The following FBXO34 variants were observed in gnomAD, a reference collection of about 807,000 sequenced individuals.
FBXO34 encodes F-box only protein 34.
FBXO34 carries 12 observed loss-of-function variants against 24.5 expected under a neutral mutation model. That is an observed-to-expected ratio of 0.49 (90% confidence interval 0.31 to 0.79). The LOEUF is 0.79. FBXO34 is among the 30% of genes least tolerant of loss of function. The pLI is 0.04. For synonymous variants in FBXO34, 320 were observed against 311.9 expected, an observed-to-expected ratio of 1.03 and a Z score of -0.27; for missense variants, 823 against 857.7, an observed-to-expected ratio of 0.96 and a Z score of 0.51.
At chr14:55,325,220 G>A (rs1883300320) in intron 1 of FBXO34, among the ~76,000 whole-genome samples, 1 of 152,146 alleles carries the variant, frequency 6.6e-6, no homozygotes, top group South Asian at 2.1e-4. Flanking sequence ...GCAGCATTGG[G>A]CTTGCACAGT....
the FBXO34 span, among the ~76,000 whole-genome samples, chr14:55,440,836 C>T: frequency 2.6e-5 from 4 of 151,790 alleles, no homozygotes; most frequent in Non-Finnish European, 1.5e-5. Flanking sequence ...GGTGCAAGTG[C>T]ATGGAAAGTG....
the FBXO34 span, chr14:55,380,626 G>T: frequency 6.2e-7 from 1 of 1,613,154 alleles, no homozygotes; most frequent in South Asian, 1.1e-5. Flanking sequence ...ACAGAATGTT[G>T]ACCAGCTGAG....
At chr14:55,302,994 A>C (rs1422539925) in intron 1 of FBXO34, among the ~76,000 whole-genome samples, 4 of 152,210 alleles carry the variant, frequency 2.6e-5, no homozygotes, top group Non-Finnish European at 5.9e-5. Context: ...AATACTACTG[A>C]GGTGAGCAAG....
chr14:55,361,005 A>G (rs76119047), intron 3 of FBXO34, among the ~76,000 whole-genome samples: 3 of 149,024 alleles, frequency 2.0e-5, no homozygotes, highest in Non-Finnish European at 3.0e-5. Flanking sequence ...CTCAAAAAGA[A>G]AAAAAAAAAA....
intron 1 of FBXO34, among the ~76,000 whole-genome samples, chr14:55,278,131 G>T (rs993310472): frequency 1.3e-5 from 2 of 152,024 alleles, no homozygotes; most frequent in African/African-American, 4.8e-5. Flanking sequence ...TCTTATGCAG[G>T]TATGTCTGCT....
At chr14:55,323,387 AT>A (rs1451014871) in intron 1 of FBXO34, among the ~76,000 whole-genome samples, 1 of 135,254 alleles carries the variant, frequency 7.4e-6, no homozygotes, top group Non-Finnish European at 1.6e-5. Context: ...AAATTTATTT[AT>A]TTTTTATTTT....
At chr14:55,427,002 C>A in the FBXO34 span, among the ~76,000 whole-genome samples, 3 of 152,198 alleles carry the variant, frequency 2.0e-5, no homozygotes, top group Admixed American at 6.5e-5. Flanking sequence ...AATGTAGACA[C>A]AACCTTAGAG....
chr14:55,397,943 CTTTTTTTTTTTTT>C, the FBXO34 span, among the ~76,000 whole-genome samples: 5 of 105,558 alleles, frequency 4.7e-5, no homozygotes, highest in Admixed American at 1.0e-4. Flanking sequence ...TGCAGTAATT[CTTTTTTTTTTTTT>C]TTTTTTTTTG....
the FBXO34 span, among the ~76,000 whole-genome samples, chr14:55,418,440 C>T: frequency 6.6e-6 from 1 of 152,192 alleles, no homozygotes; most frequent in Non-Finnish European, 1.5e-5. Flanking sequence ...ATGCCACAGT[C>T]GTGTGTGTAT....
At chr14:55,305,858 G>T (rs1882526950) in intron 1 of FBXO34, among the ~76,000 whole-genome samples, 1 of 152,174 alleles carries the variant, frequency 6.6e-6, no homozygotes, top group African/African-American at 2.4e-5. Context: ...AGGGTACACT[G>T]ATTTGGCTGT....
chr14:55,389,575 C>T, the FBXO34 span, among the ~76,000 whole-genome samples: 4 of 152,166 alleles, frequency 2.6e-5, no homozygotes, highest in Admixed American at 6.5e-5. Flanking sequence ...AAGGGATTCA[C>T]GAGGTCTGAT....
rs1022686241 is a variant in FBXO34, at chr14:55,353,186, G to A, written c.*660G>A. 5 of 166,960 alleles carry A rather than the reference G, an allele frequency of 3.0e-5. No individual in the cohort carries two copies. The highest frequency in any genetic ancestry group is 7.2e-5 in the African/African-American group (3 of 41,396). The allele number at this position is 166,960 out of a possible 1,614,324, so 10.3% of individuals were successfully genotyped here. A position where few individuals can be genotyped will look rare whatever the true frequency, so the allele number is the denominator to read the frequency against. ...GCTTTGGCCCCTCTGTGAATAGCAC[G>A]ATTAAAATCCAGTTGTATATAATGG... On this transcript the variant is annotated 3_prime_UTR_variant, in exon 2 of 2. Transcript: ENST00000313833.
At chr14:55,310,690 T>A (rs1218214383) in intron 1 of FBXO34, among the ~76,000 whole-genome samples, 2 of 152,222 alleles carry the variant, frequency 1.3e-5, no homozygotes, top group Non-Finnish European at 2.9e-5. Flanking sequence ...AATGATTCTA[T>A]ACCAAATCCA....
At chr14:55,297,928 C>A (rs1233572264) in intron 1 of FBXO34, among the ~76,000 whole-genome samples, 1 of 152,240 alleles carries the variant, frequency 6.6e-6, no homozygotes, top group Non-Finnish European at 1.5e-5. Context: ...CAAACACTGA[C>A]CGTCCACTTC....
chr14:55,414,037 C>G, the FBXO34 span: 1 of 544,030 alleles, frequency 1.8e-6, no homozygotes, highest in African/African-American at 1.9e-5. Context: ...GGTGCCTCAC[C>G]TCTTTCCCTT....
chr14:55,366,440 T>C (rs968116672), downstream of FBXO34: 1 of 152,616 alleles, frequency 6.6e-6, no homozygotes, highest in Non-Finnish European at 1.5e-5. Flanking sequence ...TAGAAAACAT[T>C]TGTATGACTC....
rs57284715 is a variant in FBXO34 at position 55,349,607 on chromosome 14, C to CTTTTT, written c.-10-760_-10-756dup. On this transcript the variant is annotated intron_variant, in intron 1 of 1. Transcript: ENST00000313833. ...GAATAGTTTAGGAAGCAATAATTTTCTTTTTTTTTTTTTTTTTTGAGACAA... is the reference window on the plus strand; with the variant it reads ...GAATAGTTTAGGAAGCAATAATTTTCTTTTTTTTTTTTTTTTTTTTTTTGAGACAA... Among the ~76,000 whole-genome samples the CTTTTT allele has an allele frequency of 9.2e-3, 1,072 of 116,560 alleles. 41 individuals are homozygous for CTTTTT. Among genetic ancestry groups the CTTTTT allele is most frequent in the African/African-American group, 0.032 (999 of 30,992 alleles). 76.5% of individuals were successfully genotyped at this position (116,560 alleles called of 152,430 possible). A position where few individuals can be genotyped will look rare whatever the true frequency, so the allele number is the denominator to read the frequency against.
the FBXO34 span, chr14:55,413,689 AT>A: frequency 3.0e-6 from 1 of 329,562 alleles, no homozygotes. Context: ...TCTTTTTCTG[AT>A]TATTTACCTT....
rs542342803 is a variant in FBXO34, at chr14:55,335,548, G to A, written c.-10-14833G>A. 7 of 152,318 alleles carry A rather than the reference G, an allele frequency of 4.6e-5. No individual in the cohort carries two copies. The East Asian group carries it at 1.3e-3, about 29-fold the overall frequency. 9.4% of individuals were successfully genotyped at this position (152,318 alleles called of 1,614,324 possible). A position where few individuals can be genotyped will look rare whatever the true frequency, so the allele number is the denominator to read the frequency against. ...AAGTATAGTGTATGTAGGAACCTCT[G>A]TACAACCAATTTGGTGACTTTTAGG... On this transcript the variant is annotated intron_variant, in intron 1 of 1. Coordinates refer to ENST00000313833, the MANE Select transcript of FBXO34 (RefSeq NM_017943.4).
Sources: gnomAD v4.1 joint callset for allele counts (sites outside exome capture counted in the v4.1 genomes callset) on GRCh38, gnomAD v4.1.1 for gene constraint, MANE v1.5 for transcripts, NCBI Gene and HGNC (gene_info 2026-07-23, HGNC 2026-07-21) for gene names.